FLVCR2: variants seen among roughly 807,000 people sequenced by gnomAD.
The protein encoded by FLVCR2 is FLVCR choline and putative heme transporter 2, also known as choline/ethanolamine transporter FLVCR2.
FLVCR2 carries 38 observed loss-of-function variants against 48.9 expected under a neutral mutation model. The ratio of observed to expected loss-of-function variants is 0.78; its 90% confidence interval spans 0.60 to 1.02. The LOEUF (loss-of-function observed/expected upper bound fraction) is 1.02, where lower values mean the gene tolerates loss of function less well. Among genes scored for constraint, FLVCR2 ranks in the 50% least tolerant of loss-of-function variants. FLVCR2 has a pLI of 0.00. For synonymous variants in FLVCR2, 255 were observed against 257.0 expected (o/e 0.99, Z 0.07); for missense variants, 664 against 663.3 (o/e 1.00, Z -0.01).
intron 1 of FLVCR2, chr14:75,605,751 T>A (rs1464856689): frequency 5.6e-6 from 5 of 898,020 alleles, no homozygotes; most frequent in Non-Finnish European, 8.8e-6. Flanking sequence ...TGAACACAAG[T>A]ATTTTTCAGT....
chr14:75,611,117 A>C (rs1483957078), intron 1 of FLVCR2, among the ~76,000 whole-genome samples: 1 of 152,224 alleles, frequency 6.6e-6, no homozygotes, highest in East Asian at 1.9e-4. Context: ...GAGACAACAC[A>C]CTACACAAAA....
chr14:75,578,998 A>T lies in FLVCR2; in HGVS notation c.26A>T (p.Glu9Val). ...ATGGTGAATGAAGGTCCCAACCAGG[A>T]AGAGAGCGATGACACCCCTGTGCCG... MVNEGPNQEESDDTPVPES... is the reference protein window; with the variant it reads MVNEGPNQVESDDTPVPES... Residue 9 changes from glutamate to valine, a missense_variant, in exon 1 of 10, where the codon GAA becomes GTA. By Grantham distance (121) the Glu-to-Val change is moderately radical (BLOSUM62 -2). Coordinates refer to ENST00000238667, the MANE Select transcript of FLVCR2 (RefSeq NM_017791.3). 4 of 1,614,100 alleles carry T rather than the reference A, an allele frequency of 2.5e-6. No homozygotes were observed. The highest frequency in any genetic ancestry group is 3.4e-6 in the Non-Finnish European group (4 of 1,179,992).
chr14:75,627,315 C>T lies in FLVCR2; in HGVS notation c.952+2563C>T, dbSNP rs1389563043. On this transcript the variant is annotated intron_variant, in intron 3 of 9. Coordinates refer to ENST00000238667, the MANE Select transcript of FLVCR2 (RefSeq NM_017791.3). ...TAGAAAATCCGCTCCTCTATAGAAA[C>T]AAGAACAATGGCAAAAAATATCCAA... is the stretch of plus-strand genomic sequence containing the variant. Among the ~76,000 whole-genome samples the T allele has an allele frequency of 2.7e-5, 4 of 149,812 alleles. No individual in the cohort carries two copies. The South Asian group carries it at 8.3e-4, about 31-fold the overall frequency.
intron 1 of FLVCR2, among the ~76,000 whole-genome samples, chr14:75,612,552 C>G (rs1370374423): frequency 1.3e-5 from 2 of 152,140 alleles, no homozygotes; most frequent in African/African-American, 4.8e-5. Flanking sequence ...TCCTTGATCC[C>G]GAGTTGACCT....
At chr14:75,636,996 A>C (rs1162371725) in intron 5 of FLVCR2, among the ~76,000 whole-genome samples, 1 of 152,156 alleles carries the variant, frequency 6.6e-6, no homozygotes, top group Non-Finnish European at 1.5e-5. Flanking sequence ...GCGTGAAGGG[A>C]GGAGGAAGCT....
At chr14:75,585,907 A>G in intron 1 of FLVCR2, among the ~76,000 whole-genome samples, 1 of 152,200 alleles carries the variant, frequency 6.6e-6, no homozygotes, top group East Asian at 1.9e-4. Flanking sequence ...AGGCTGGAGA[A>G]GAGAGTGAAA....
intron 1 of FLVCR2, among the ~76,000 whole-genome samples, chr14:75,580,783 A>AG (rs1888578418): frequency 6.6e-6 from 1 of 152,196 alleles, no homozygotes; most frequent in Non-Finnish European, 1.5e-5. Context: ...GGGTGGGGCG[A>AG]AACAAATCAC....
At chr14:75,640,928 C>T (rs1890294613) in intron 6 of FLVCR2, 27 bp from the exon 7 acceptor site, 1 of 1,512,932 alleles carries the variant, frequency 6.6e-7, no homozygotes, top group Non-Finnish European at 9.2e-7. Context: ...GTTCTTCATC[C>T]CCTTGTTTCT....
chr14:75,602,683 G>A (rs114798424), intron 1 of FLVCR2, among the ~76,000 whole-genome samples: 2,051 of 152,276 alleles, frequency 0.013, 43 homozygotes, highest in African/African-American at 0.047. Context: ...AGGAGAGAAT[G>A]GGGAGTTACT....
In FLVCR2 at chr14:75,579,127, C is replaced by T. The variant is rs1888528919; in HGVS notation, c.155C>T (p.Ser52Leu). The T allele has an allele frequency of 6.2e-7, 1 of 1,614,132 alleles. No individual in the cohort carries two copies. Among genetic ancestry groups the T allele is most frequent in the Non-Finnish European group, 8.5e-7 (1 of 1,179,992 alleles). The change falls in exon 1 of 10, where the codon TCG becomes TTG. Residue 52 changes from serine to leucine, a missense_variant. By Grantham distance (145) the Ser-to-Leu change is moderately radical (BLOSUM62 -2). Transcript: ENST00000238667. ...AGCGTCTCTGTCCACCCCAGCAGTTCGGCCCACCCCAGTGCCTTAGCCCAA... is the reference window on the plus strand; with the variant it reads ...AGCGTCTCTGTCCACCCCAGCAGTTTGGCCCACCCCAGTGCCTTAGCCCAA... ...NPSVSVHPSS[S>L]AHPSALAQPS...
Position 75,646,435 on chromosome 14 carries a change from G to A in FLVCR2, c.1544G>A (p.Ser515Asn). 6.2e-7 allele frequency: 1 copy of A among 1,614,030 alleles called. No individual in the cohort carries two copies. Among genetic ancestry groups the A allele is most frequent in the Non-Finnish European group, 8.5e-7 (1 of 1,179,914 alleles). Residue 515 changes from serine to asparagine, a missense_variant, in exon 10 of 10, where the codon AGC becomes AAC. By Grantham distance (46) the Ser-to-Asn change is conservative. Transcript: ENST00000238667. ...LQEEEEESNT[S>N]KVPTAVSEDH... ...GAGGAGGAGGAGGAGAGCAACACCA[G>A]CAAAGTGCCCACTGCTGTGTCAGAG...
At chr14:75,589,005 C>T (rs545609856) in intron 1 of FLVCR2, among the ~76,000 whole-genome samples, 4 of 152,242 alleles carry the variant, frequency 2.6e-5, no homozygotes, top group Admixed American at 6.5e-5. Flanking sequence ...AATTCCTCTC[C>T]ACCTCTGAAC....
rs10629813 is a variant in FLVCR2 at position 75,616,026 on chromosome 14, C to CAAAAAAAAAAAAAA, written c.670-6044_670-6031dup. On this transcript the variant is annotated intron_variant, in intron 1 of 9. Coordinates refer to ENST00000238667, the MANE Select transcript of FLVCR2 (RefSeq NM_017791.3). Reference sequence around the variant, plus strand: ...TGGGTGACAGAGTGAGACTCCATCTCAAAAAAAAAAAAAAAAAAAAAATAG... The same window carrying CAAAAAAAAAAAAAA: ...TGGGTGACAGAGTGAGACTCCATCTCAAAAAAAAAAAAAAAAAAAAAAAAAAAAAAAAAAAATAG... 5.1e-4 allele frequency among the ~76,000 whole-genome samples: 13 copies of CAAAAAAAAAAAAAA among 25,632 alleles called. 2 individuals are homozygous for CAAAAAAAAAAAAAA. Among genetic ancestry groups the CAAAAAAAAAAAAAA allele is most frequent in the Non-Finnish European group, 8.4e-4 (13 of 15,386 alleles). 16.8% of individuals were successfully genotyped at this position (25,632 alleles called of 152,430 possible). A position where few individuals can be genotyped will look rare whatever the true frequency, so the allele number is the denominator to read the frequency against.
chr14:75,632,622 A>G (rs1238436535), intron 3 of FLVCR2: 2 of 702,214 alleles, frequency 2.8e-6, no homozygotes, highest in Admixed American at 4.0e-5. Flanking sequence ...GATTGGTTCC[A>G]TTGAAGAGGA....
chr14:75,632,894 G>A (rs994622677), intron 3 of FLVCR2: 4 of 702,324 alleles, frequency 5.7e-6, no homozygotes, highest in Non-Finnish European at 1.0e-5. Context: ...ATGTGCAGCC[G>A]CCATTGTCAT....
chr14:75,632,854 G>A (rs1204570988), intron 3 of FLVCR2: 2 of 702,332 alleles, frequency 2.8e-6, no homozygotes, highest in South Asian at 3.0e-5. Flanking sequence ...CTACTTTCTA[G>A]AGTTGTCATA....
In FLVCR2 at chr14:75,616,059, C is replaced by T. The variant is rs944627902; in HGVS notation, c.670-6020C>T. On this transcript the variant is annotated intron_variant, in intron 1 of 9. Coordinates refer to ENST00000238667, the MANE Select transcript of FLVCR2 (RefSeq NM_017791.3). ...AAAAAAAAAAAAAAATAGCGTAAGTCCAGTTATGGTGGCTCATACCTGTAA... is the reference window on the plus strand; with the variant it reads ...AAAAAAAAAAAAAAATAGCGTAAGTTCAGTTATGGTGGCTCATACCTGTAA... Among the ~76,000 whole-genome samples, 5 of 103,822 alleles carry T rather than the reference C, an allele frequency of 4.8e-5. No homozygotes were observed. In the Admixed American group the frequency reaches 5.8e-4, roughly 12 times the overall value. The allele number at this position is 103,822 out of a possible 152,430, so 68.1% of individuals were successfully genotyped here.
chr14:75,642,749 A>G (rs1890331027), intron 9 of FLVCR2, among the ~76,000 whole-genome samples: 1 of 152,254 alleles, frequency 6.6e-6, no homozygotes, highest in Admixed American at 6.5e-5. Flanking sequence ...GTATCCACTT[A>G]TAATATATAC....
chr14:75,604,886 A>G (rs1470916116), intron 1 of FLVCR2, among the ~76,000 whole-genome samples: 1 of 152,104 alleles, frequency 6.6e-6, no homozygotes, highest in Non-Finnish European at 1.5e-5. Flanking sequence ...TAAAAGCAAT[A>G]TGGGTGCAGG....
Sources: allele counts gnomAD v4.1 joint callset (sites outside exome capture counted in the v4.1 genomes callset), GRCh38; gene constraint gnomAD v4.1.1; transcripts MANE v1.5; gene names NCBI Gene and HGNC (gene_info 2026-07-23, HGNC 2026-07-21).